Variants in RYR3 observed in about 807,000 individuals in gnomAD.
The protein encoded by RYR3 is ryanodine receptor 3.
Under a neutral mutation model 584.3 loss-of-function variants are expected in RYR3, and 207 were observed. The ratio of observed to expected loss-of-function variants is 0.35; its 90% CI spans 0.32 to 0.40. RYR3 has a LOEUF of 0.40. RYR3 is among the 10% of genes least tolerant of loss of function. The probability of loss-of-function intolerance (pLI) is 1.00; values close to 1 mark genes in which losing one functional copy is unlikely to be tolerated. For synonymous variants in RYR3, 2,416 were observed against 2,248.5 expected, an observed-to-expected ratio of 1.07 and a Z score of -2.11; for missense variants, 5,616 against 6,089.2, an observed-to-expected ratio of 0.92 and a Z score of 2.59.
chr15:33,602,882 A>C (rs751184219), intron 17 of RYR3, among the ~76,000 whole-genome samples: 2 of 151,736 alleles, frequency 1.3e-5, no homozygotes, highest in Non-Finnish European at 2.9e-5. Flanking sequence ...AGTAGCTTGG[A>C]CTATAGGTGT....
chr15:33,743,449 TAAAC>T (rs1271328438), intron 52 of RYR3, among the ~76,000 whole-genome samples: 1 of 152,160 alleles, frequency 6.6e-6, no homozygotes, highest in Non-Finnish European at 1.5e-5. Context: ...AGAGAAAACA[TAAAC>T]AAAAGTGGGT....
chr15:33,434,262 G>A (rs2045463759), intron 1 of RYR3, among the ~76,000 whole-genome samples: 1 of 151,998 alleles, frequency 6.6e-6, no homozygotes, highest in African/African-American at 2.4e-5. Context: ...AAATTCATCA[G>A]TTGTTTGTTG....
chr15:33,506,193 C>A (rs576414990), intron 3 of RYR3, among the ~76,000 whole-genome samples: 2 of 152,048 alleles, frequency 1.3e-5, no homozygotes, highest in Non-Finnish European at 2.9e-5. Context: ...AATGGAGGGA[C>A]GCACTTTAAT....
chr15:33,767,500 C>G (rs1006197622), intron 60 of RYR3, among the ~76,000 whole-genome samples: 1 of 145,624 alleles, frequency 6.9e-6, no homozygotes, highest in African/African-American at 2.6e-5. Context: ...TTCCAGTAGA[C>G]AGTCCAAAAA....
At chr15:33,704,782 A>G (rs1358241260) in intron 42 of RYR3, among the ~76,000 whole-genome samples, 2 of 152,202 alleles carry the variant, frequency 1.3e-5, no homozygotes, top group African/African-American at 4.8e-5. Flanking sequence ...CCATTGGAAG[A>G]AGTCAGATGT....
At chr15:33,485,471 G>A (rs1423869373) in intron 2 of RYR3, among the ~76,000 whole-genome samples, 1 of 152,138 alleles carries the variant, frequency 6.6e-6, no homozygotes, top group Non-Finnish European at 1.5e-5. Context: ...GGTGGTCAGT[G>A]TGCAAAATTG....
chr15:33,788,135 C>T (rs1361419459), intron 66 of RYR3, 83 bp from the exon 67 acceptor site: 14 of 1,553,232 alleles, frequency 9.0e-6, no homozygotes, highest in African/African-American at 5.4e-5. Context: ...TGGGATTCCA[C>T]GGCCTCACCT....
chr15:33,745,496 A>T (rs2070602341), intron 52 of RYR3, among the ~76,000 whole-genome samples: 1 of 152,156 alleles, frequency 6.6e-6, no homozygotes, highest in African/African-American at 2.4e-5. Flanking sequence ...AGTTACAGAA[A>T]TCAGGGGCTC....
chr15:33,859,072 C>G (rs2080052533), intron 99 of RYR3: 1 of 154,174 alleles, frequency 6.5e-6, no homozygotes, highest in South Asian at 2.0e-4. Flanking sequence ...GCTCAGGGAG[C>G]CCGTGCCTAG....
At chr15:33,433,032 G>A (rs924140893) in intron 1 of RYR3, among the ~76,000 whole-genome samples, 2 of 152,014 alleles carry the variant, frequency 1.3e-5, no homozygotes, top group African/African-American at 2.4e-5. Context: ...CATTACCTGA[G>A]GCCTATATTG....
chr15:33,469,269 G>A (rs558931576), intron 1 of RYR3, among the ~76,000 whole-genome samples: 1 of 152,234 alleles, frequency 6.6e-6, no homozygotes, highest in South Asian at 2.1e-4. Context: ...ATGATCAAAG[G>A]CATGGAAATA....
chr15:33,510,307 A>G (rs978147136), intron 3 of RYR3, among the ~76,000 whole-genome samples: 9 of 152,194 alleles, frequency 5.9e-5, no homozygotes, highest in Non-Finnish European at 1.0e-4. Flanking sequence ...ACTTAGATGC[A>G]AAGTCCTTTC....
At chr15:33,830,687 A>T in intron 85 of RYR3, 1 of 265,618 alleles carries the variant, frequency 3.8e-6, no homozygotes, top group Non-Finnish European at 7.1e-6. Context: ...CATTATCTTC[A>T]CATATTTCAC....
At chr15:33,666,400 G>A (rs2063495809) in intron 36 of RYR3, among the ~76,000 whole-genome samples, 1 of 152,088 alleles carries the variant, frequency 6.6e-6, no homozygotes, top group Admixed American at 6.5e-5. Flanking sequence ...GCTGGTCTGA[G>A]AATAAAAATG....
chr15:33,543,572 C>G (rs1219532500), intron 7 of RYR3, 50 bp from the exon 8 acceptor site: 2 of 1,166,518 alleles, frequency 1.7e-6, no homozygotes, highest in Admixed American at 3.4e-5. Context: ...ATATGCCATT[C>G]TCTTCATTAA....
chr15:33,669,843 T>TGGGGGGGGGG (rs35446204), intron 37 of RYR3, among the ~76,000 whole-genome samples: 3 of 22,106 alleles, frequency 1.4e-4, no homozygotes, highest in African/African-American at 2.3e-4. Flanking sequence ...TGTGTGTGTG[T>TGGGGGGGGGG]GGGGGGGGGG....
intron 12 of RYR3, among the ~76,000 whole-genome samples, chr15:33,573,121 C>T (rs1483089031): frequency 3.5e-5 from 3 of 86,576 alleles, no homozygotes; most frequent in Non-Finnish European, 6.4e-5. Flanking sequence ...ATTTACTGAG[C>T]TCTTTATTCA....
chr15:33,791,127 A>G (rs1006833786), intron 67 of RYR3, among the ~76,000 whole-genome samples: 2 of 152,342 alleles, frequency 1.3e-5, no homozygotes, highest in South Asian at 4.1e-4. Flanking sequence ...TTTACTCTAA[A>G]GGAGAACAGA....
intron 98 of RYR3, 94 bp downstream of exon 98, chr15:33,855,006 A>C: frequency 2.4e-6 from 3 of 1,243,660 alleles, no homozygotes; most frequent in East Asian, 2.7e-5. Flanking sequence ...AGGAAGGAAT[A>C]TGTCTTGGTA....
Sources: allele counts gnomAD v4.1 joint callset (sites outside exome capture counted in the v4.1 genomes callset), GRCh38; gene constraint gnomAD v4.1.1; transcripts MANE v1.5; gene names NCBI Gene and HGNC (gene_info 2026-07-23, HGNC 2026-07-21).